Variants in TOMM20 observed in about 807,000 individuals in gnomAD.
The protein encoded by TOMM20 is translocase of outer mitochondrial membrane 20, also known as mitochondrial import receptor subunit TOM20 homolog.
A neutral mutation model predicts 22.1 loss-of-function variants in TOMM20; 10 were observed. That is an observed-to-expected ratio of 0.45 (90% CI 0.28 to 0.77). The LOEUF is 0.77. Among genes scored for constraint, TOMM20 ranks in the 30% least tolerant of loss-of-function variants. TOMM20 has a pLI of 0.13. For synonymous variants in TOMM20, 55 were observed against 61.4 expected (o/e 0.90, Z 0.49); for missense variants, 121 against 172.2 (o/e 0.70, Z 1.66).
Position 235,111,460 on chromosome 1 carries a change from T to C in TOMM20, c.*604A>G, listed in dbSNP as rs1402196735. On this transcript the variant is annotated 3_prime_UTR_variant, in exon 5 of 5. Transcript: ENST00000366607. ...TATATTTAAAATACAAGGAGATAAA[T>C]ACCCAGAACACATTAAGCCTACTGA... is the stretch of plus-strand genomic sequence containing the variant. 1 of 152,646 alleles carries C rather than the reference T, an allele frequency of 6.6e-6. No homozygotes were observed. Among genetic ancestry groups the C allele is most frequent in the African/African-American group, 2.4e-5 (1 of 41,422 alleles). 9.5% of individuals were successfully genotyped at this position (152,646 alleles called of 1,614,324 possible).
chr1:235,113,880 G>A lies in TOMM20; in HGVS notation c.281C>T (p.Thr94Ile), dbSNP rs1479641407. The A allele has an allele frequency of 2.5e-6, 4 of 1,612,240 alleles. No homozygotes were observed. The South Asian group carries it at 4.4e-5, about 18-fold the overall frequency. The change falls in exon 4 of 5, where the codon ACA (threonine) becomes ATA (isoleucine). Residue 94 changes from threonine (T) to isoleucine (I), a missense_variant. Thr to Ile is a moderately conservative substitution (Grantham distance 89). Coordinates refer to ENST00000366607, the MANE Select transcript of TOMM20 (RefSeq NM_014765.3). ...CTGTCCACACACAGCAATTGCATTTGTCAGATGGTCTACGCCCTTCTCATA... is the reference window on the plus strand; with the variant it reads ...CTGTCCACACACAGCAATTGCATTTATCAGATGGTCTACGCCCTTCTCATA... ...GEYEKGVDHL[T>I]NAIAVCGQPQ...
At chr1:235,116,332 A>T (rs1298512376) in intron 3 of TOMM20, among the ~76,000 whole-genome samples, 3 of 151,462 alleles carry the variant, frequency 2.0e-5, no homozygotes, top group African/African-American at 7.3e-5. Flanking sequence ...CGAGGTCAAA[A>T]TATCGAGACC....
rs189242451 is a variant in TOMM20 at position 235,117,634 on chromosome 1, A to C, written c.250+2184T>G. Among the ~76,000 whole-genome samples, 10 of 152,270 alleles carry C rather than the reference A, an allele frequency of 6.6e-5. No individual in the cohort carries two copies. In the East Asian group the frequency reaches 1.9e-3, roughly 29 times the overall value. ...GGCAAGCCTGGGTATCAGGATAGTCACTGGTGTTCTTTCCAGGCTCTTAAA... is the reference window on the plus strand; with the variant it reads ...GGCAAGCCTGGGTATCAGGATAGTCCCTGGTGTTCTTTCCAGGCTCTTAAA... On this transcript the variant is annotated intron_variant, in intron 3 of 4. Transcript: ENST00000366607.
At chr1:235,120,264 TTTG>T (rs372496494) in intron 2 of TOMM20, among the ~76,000 whole-genome samples, 42 of 152,118 alleles carry the variant, frequency 2.8e-4, no homozygotes, top group African/African-American at 9.9e-4. Context: ...TTATACAGAT[TTTG>T]TTGTTTTTGT....
Position 235,117,218 on chromosome 1 carries a change from G to C in TOMM20, c.250+2600C>G, listed in dbSNP as rs547462918. Among the ~76,000 whole-genome samples the C allele has an allele frequency of 5.4e-5, 8 of 148,204 alleles. No individual in the cohort carries two copies. The East Asian group carries it at 1.6e-3, about 29-fold the overall frequency. On this transcript the variant is annotated intron_variant, in intron 3 of 4. Coordinates refer to ENST00000366607, the MANE Select transcript of TOMM20 (RefSeq NM_014765.3). ...TCACACCTGTAATCCCAGCACTTTG[G>C]GAAGCCAAGGCAGGTGGATCACTTG...
chr1:235,128,566 C>A, intron 1 of TOMM20, 29 bp downstream of exon 1: 1 of 1,611,602 alleles, frequency 6.2e-7, no homozygotes, highest in Non-Finnish European at 8.5e-7. Flanking sequence ...AGGCAGCAAG[C>A]CTGGCCAGGG....
chr1:235,122,816 G>A (rs1025809148), intron 1 of TOMM20, among the ~76,000 whole-genome samples: 2 of 152,178 alleles, frequency 1.3e-5, no homozygotes, highest in African/African-American at 4.8e-5. Context: ...AATCTAAAGT[G>A]TACAGGAGGC....
intron 3 of TOMM20, among the ~76,000 whole-genome samples, chr1:235,114,262 T>C (rs1368551188): frequency 2.0e-5 from 3 of 152,126 alleles, no homozygotes; most frequent in Non-Finnish European, 4.4e-5. Context: ...GACTGGGGAC[T>C]GGGGTAGAAA....
At chr1:235,118,308 T>C (rs926730262) in intron 3 of TOMM20, among the ~76,000 whole-genome samples, 2 of 152,276 alleles carry the variant, frequency 1.3e-5, no homozygotes, top group African/African-American at 4.8e-5. Context: ...AATCTATCTA[T>C]CAGCATAGGA....
chr1:235,118,171 A>G (rs1403624637), intron 3 of TOMM20, among the ~76,000 whole-genome samples: 1 of 152,230 alleles, frequency 6.6e-6, no homozygotes, highest in Non-Finnish European at 1.5e-5. Flanking sequence ...CCTCAGTTGC[A>G]GTGATCTTGT....
At position 235,125,308 on chromosome 1, in the gene TOMM20, G is replaced by A. The variant is rs567542164; in HGVS notation, c.122-2936C>T. Among the ~76,000 whole-genome samples the A allele has an allele frequency of 5.3e-5, 8 of 152,178 alleles. No individual in the cohort carries two copies. In the East Asian group the frequency reaches 7.7e-4, roughly 15 times the overall value. ...CGGCTCACTGTAAGCTCCGCCTCCC[G>A]AGTTCACGCCATTCTCCTGCCTCAG... On this transcript the variant is annotated intron_variant, in intron 1 of 4. Transcript: ENST00000366607.
chr1:235,128,828 A>C lies in TOMM20; in HGVS notation c.-113T>G. 1 of 1,532,790 alleles carries C rather than the reference A, an allele frequency of 6.5e-7. No individual in the cohort carries two copies. Among genetic ancestry groups the C allele is most frequent in the Admixed American group, 1.9e-5 (1 of 51,958 alleles). 94.9% of individuals were successfully genotyped at this position (1,532,790 alleles called of 1,614,324 possible). On this transcript the variant is annotated 5_prime_UTR_variant, in exon 1 of 5. Coordinates refer to ENST00000366607, the MANE Select transcript of TOMM20 (RefSeq NM_014765.3). ...CACACCCGACGGCCGCGGGCCAGGA[A>C]CACAGAAAGGCCGAGCACACGCCAC...
At position 235,117,201 on chromosome 1, in the gene TOMM20, G is replaced by GT. The variant is rs371613309; in HGVS notation, c.250+2616dup. The stretch of plus-strand genomic sequence containing the variant: ...AGACCAGGTGCAGTGGCTCACACCT[G>GT]TAATCCCAGCACTTTGGGAAGCCAA... On this transcript the variant is annotated intron_variant, in intron 3 of 4. Transcript: ENST00000366607. Among the ~76,000 whole-genome samples, 725 of 134,112 alleles carry GT rather than the reference G, an allele frequency of 5.4e-3. 9 individuals carry two copies. Among genetic ancestry groups the GT allele is most frequent in the African/African-American group, 0.018 (654 of 36,376 alleles). The allele number at this position is 134,112 out of a possible 152,430, so 88.0% of individuals were successfully genotyped here.
At chr1:235,126,899 C>G (rs1661034078) in intron 1 of TOMM20, among the ~76,000 whole-genome samples, 1 of 152,172 alleles carries the variant, frequency 6.6e-6, no homozygotes, top group African/African-American at 2.4e-5. Context: ...AAAGGGAAAA[C>G]TAAAGCTTGA....
rs986405039 is a variant in TOMM20, at chr1:235,123,484, CAA to C, written c.122-1114_122-1113del. Reference sequence around the variant, plus strand: ...TGGGCAACAGAGCGACACTCTGTCTCAAAAAAGAGGTCTCCCTACCTGTAGAC... The same window carrying C: ...TGGGCAACAGAGCGACACTCTGTCTCAAAAGAGGTCTCCCTACCTGTAGAC... On this transcript the variant is annotated intron_variant, in intron 1 of 4. Coordinates refer to ENST00000366607, the MANE Select transcript of TOMM20 (RefSeq NM_014765.3). 2.6e-3 allele frequency among the ~76,000 whole-genome samples: 391 copies of C among 152,138 alleles called. 3 individuals carry two copies. The highest frequency in any genetic ancestry group is 9.1e-3 in the African/African-American group (378 of 41,510).
chr1:235,128,704 C>G lies in TOMM20; in HGVS notation c.12G>C (p.Arg4=), dbSNP rs1337851177. The G allele has an allele frequency of 1.2e-6, 2 of 1,614,048 alleles. No individual in the cohort carries two copies. Among genetic ancestry groups the G allele is most frequent in the Non-Finnish European group, 8.5e-7 (1 of 1,179,928 alleles). The change falls in exon 1 of 5, where the codon CGG becomes CGC. Residue 4 remains arginine (R), a synonymous_variant. Transcript: ENST00000366607. ...ATACACCGGCGGCGATGGCGCTGTTCCGACCCACCATCTTCTCTACAACGC... is the reference window on the plus strand; with the variant it reads ...ATACACCGGCGGCGATGGCGCTGTTGCGACCCACCATCTTCTCTACAACGC... MVG[R]NSAIAAGVCG...
At chr1:235,123,344 G>A (rs1038301681) in intron 1 of TOMM20, among the ~76,000 whole-genome samples, 2 of 152,134 alleles carry the variant, frequency 1.3e-5, no homozygotes, top group African/African-American at 4.8e-5. Context: ...AATTAGCCGG[G>A]CATGGTGGCG....
intron 2 of TOMM20, among the ~76,000 whole-genome samples, chr1:235,122,082 T>C (rs1467077867): frequency 6.7e-6 from 1 of 150,118 alleles, no homozygotes; most frequent in African/African-American, 2.5e-5. Flanking sequence ...TGCTCCTTAA[T>C]TATTGTTCAT....
At chr1:235,125,203 CTT>C (rs1558130569) in intron 1 of TOMM20, among the ~76,000 whole-genome samples, 1 of 149,044 alleles carries the variant, frequency 6.7e-6, no homozygotes, top group African/African-American at 2.5e-5. Flanking sequence ...ATAAGGCTCT[CTT>C]CTTTTATTTT....
Sources: allele counts gnomAD v4.1 joint callset (sites outside exome capture counted in the v4.1 genomes callset), GRCh38; gene constraint gnomAD v4.1.1; transcripts MANE v1.5; gene names NCBI Gene and HGNC (gene_info 2026-07-23, HGNC 2026-07-21).